The following SLC35F4 variants were observed in gnomAD, a reference collection of about 807,000 sequenced individuals.
SLC35F4 encodes the protein chromosome 14 open reading frame 36.
SLC35F4 carries 24 observed loss-of-function variants against 44.2 expected under a neutral mutation model. The ratio of observed to expected loss-of-function variants is 0.54; its 90% CI spans 0.39 to 0.76. The LOEUF (loss-of-function observed/expected upper bound fraction) is 0.76, where lower values mean the gene tolerates loss of function less well. Among genes scored for constraint, SLC35F4 ranks in the 30% least tolerant of loss-of-function variants. The pLI is 0.00. For missense variants in SLC35F4, 562 were observed against 586.1 expected, an observed-to-expected ratio of 0.96 and a Z score of 0.42; for synonymous variants, 238 against 223.6, an observed-to-expected ratio of 1.06 and a Z score of -0.57.
At chr14:57,587,139 T>C (rs1396645690) in intron 3 of SLC35F4, among the ~76,000 whole-genome samples, 1 of 152,218 alleles carries the variant, frequency 6.6e-6, no homozygotes, top group Non-Finnish European at 1.5e-5. Flanking sequence ...CAGGAGAGGA[T>C]GTGGAGAAAT....
intron 1 of SLC35F4, among the ~76,000 whole-genome samples, chr14:57,688,309 G>A (rs958639399): frequency 6.6e-6 from 1 of 152,118 alleles, no homozygotes; most frequent in African/African-American, 2.4e-5. Flanking sequence ...TGTTTCCTTT[G>A]CAAGTAAAAT....
chr14:57,831,773 C>T (rs1029625550), intron 1 of SLC35F4, among the ~76,000 whole-genome samples: 4 of 152,094 alleles, frequency 2.6e-5, no homozygotes, highest in South Asian at 2.1e-4. Context: ...ACAGAAGAAA[C>T]ATTAACTTTA....
intron 1 of SLC35F4, among the ~76,000 whole-genome samples, chr14:57,664,238 C>G (rs1456789233): frequency 6.6e-6 from 1 of 152,072 alleles, no homozygotes; most frequent in Admixed American, 6.6e-5. Flanking sequence ...CTTGTCACTT[C>G]AAAATTGCTC....
chr14:57,679,750 A>G (rs2074827081), intron 1 of SLC35F4, among the ~76,000 whole-genome samples: 1 of 152,108 alleles, frequency 6.6e-6, no homozygotes, highest in African/African-American at 2.4e-5. Context: ...AAACACCTCT[A>G]TGCAAATAAA....
chr14:57,724,113 C>A (rs1344410615), intron 1 of SLC35F4, among the ~76,000 whole-genome samples: 1 of 152,172 alleles, frequency 6.6e-6, no homozygotes, highest in Non-Finnish European at 1.5e-5. Context: ...GATACTCTGG[C>A]CCATTTATCA....
intron 1 of SLC35F4, among the ~76,000 whole-genome samples, chr14:57,736,926 C>T (rs1250489806): frequency 6.7e-6 from 1 of 150,100 alleles, no homozygotes; most frequent in Non-Finnish European, 1.5e-5. Context: ...TCATACTAAA[C>T]AATAATGAGA....
At chr14:57,590,107 T>C (rs1306376260) in intron 2 of SLC35F4, among the ~76,000 whole-genome samples, 1 of 146,690 alleles carries the variant, frequency 6.8e-6, no homozygotes, top group Non-Finnish European at 1.5e-5. Context: ...TTATAGCAAA[T>C]GGCCTGGTGC....
chr14:57,583,725 T>C (rs1263719727), intron 3 of SLC35F4, among the ~76,000 whole-genome samples: 2 of 152,206 alleles, frequency 1.3e-5, no homozygotes, highest in Non-Finnish European at 2.9e-5. Flanking sequence ...TCCCCTTTGT[T>C]ACTGTTGTTG....
chr14:57,954,724 G>C (rs1890205034), intron 1 of SLC35F4, among the ~76,000 whole-genome samples: 1 of 151,952 alleles, frequency 6.6e-6, no homozygotes, highest in Admixed American at 6.6e-5. Flanking sequence ...GACTAAACCA[G>C]GATGAAGTCG....
At chr14:57,911,482 T>A (rs1028221125) in intron 1 of SLC35F4, among the ~76,000 whole-genome samples, 6 of 151,976 alleles carry the variant, frequency 3.9e-5, no homozygotes, top group Non-Finnish European at 8.8e-5. Context: ...TTGCTGAGAG[T>A]GTTTATCATG....
chr14:57,923,144 G>GT (rs909440439), intron 1 of SLC35F4, among the ~76,000 whole-genome samples: 4 of 152,070 alleles, frequency 2.6e-5, no homozygotes, highest in Non-Finnish European at 2.9e-5. Context: ...AGAATTCAAG[G>GT]TTTTTTTTAA....
intron 1 of SLC35F4, among the ~76,000 whole-genome samples, chr14:57,648,873 C>G (rs76954328): frequency 1.3e-5 from 2 of 152,026 alleles, no homozygotes; most frequent in Non-Finnish European, 2.9e-5. Flanking sequence ...TATTGCTTAT[C>G]GAAACTCAAA....
At chr14:57,949,710 T>G (rs1281664731) in intron 1 of SLC35F4, among the ~76,000 whole-genome samples, 2 of 152,212 alleles carry the variant, frequency 1.3e-5, no homozygotes, top group African/African-American at 4.8e-5. Flanking sequence ...TTTCTTGTAG[T>G]GCTAGTTCTC....
intron 1 of SLC35F4, among the ~76,000 whole-genome samples, chr14:57,969,384 C>A (rs1465923621): frequency 6.6e-6 from 1 of 152,136 alleles, no homozygotes; most frequent in Non-Finnish European, 1.5e-5. Flanking sequence ...ACTTCAATGA[C>A]AATCTCATTG....
upstream of SLC35F4, among the ~76,000 whole-genome samples, chr14:57,867,677 G>C (rs1380552822): frequency 1.3e-5 from 2 of 151,486 alleles, no homozygotes; most frequent in African/African-American, 4.9e-5. Flanking sequence ...TATATCAAAT[G>C]CATGTATTGC....
intron 1 of SLC35F4, among the ~76,000 whole-genome samples, chr14:57,956,651 A>G (rs956314632): frequency 5.3e-5 from 8 of 152,238 alleles, no homozygotes; most frequent in South Asian, 2.1e-4. Flanking sequence ...GACACTTCTC[A>G]AAAGAAGACA....
chr14:57,579,482 G>C (rs2069080107), intron 4 of SLC35F4: 1 of 152,030 alleles, frequency 6.6e-6, no homozygotes, highest in Non-Finnish European at 1.5e-5. Flanking sequence ...GTGCTCATTT[G>C]CTTTAATACA....
rs1446940518 is a variant in SLC35F4 at position 57,721,005 on chromosome 14, T to TATATATATATATAC, written c.104-126882_104-126881insGTATATATATATAT. On this transcript the variant is annotated intron_variant, in intron 1 of 7. Coordinates refer to ENST00000556826, the MANE Select transcript of SLC35F4 (RefSeq NM_001306087.2). ...ATATATATATATATATATATATATA[T>TATATATATATATAC]ATATATATATGAGTTAATAAACTCC... Among the ~76,000 whole-genome samples the TATATATATATATAC allele has an allele frequency of 1.1e-4, 14 of 123,970 alleles. 1 individual carries two copies. Among genetic ancestry groups the TATATATATATATAC allele is most frequent in the Non-Finnish European group, 2.3e-4 (13 of 57,082 alleles). 81.3% of individuals were successfully genotyped at this position (123,970 alleles called of 152,430 possible).
At chr14:57,810,826 CCATT>C (rs1372902378) in intron 1 of SLC35F4, among the ~76,000 whole-genome samples, 1 of 152,190 alleles carries the variant, frequency 6.6e-6, no homozygotes, top group African/African-American at 2.4e-5. Flanking sequence ...GTGAAAGTGA[CCATT>C]CAGACTATAC....
Sources: allele counts gnomAD v4.1 joint callset (sites outside exome capture counted in the v4.1 genomes callset), GRCh38; gene constraint gnomAD v4.1.1; transcripts MANE v1.5; gene names NCBI Gene and HGNC (gene_info 2026-07-23, HGNC 2026-07-21).